Variants in DNAH7 observed in about 807,000 individuals in gnomAD.
The protein encoded by DNAH7 is dynein axonemal heavy chain 7, also known as axonemal beta dynein heavy chain 7.
In DNAH7, 397 loss-of-function variants were observed where a neutral mutation model predicts 444.6. The ratio of observed to expected loss-of-function variants is 0.89; its 90% CI spans 0.82 to 0.97. DNAH7 has a LOEUF of 0.97. DNAH7 is among the 50% of genes least tolerant of loss of function. The probability of loss-of-function intolerance (pLI) is 0.00; values close to 1 mark genes in which losing one functional copy is unlikely to be tolerated. For synonymous variants in DNAH7, 1,636 were observed against 1,624.4 expected (o/e 1.01, Z -0.17); for missense variants, 4,902 against 4,800.8 (o/e 1.02, Z -0.62).
chr2:196,028,936 T>C (rs1357607849), intron 5 of DNAH7, among the ~76,000 whole-genome samples: 1 of 152,200 alleles, frequency 6.6e-6, no homozygotes, highest in Non-Finnish European at 1.5e-5. Flanking sequence ...ATGCAGTGTT[T>C]TGTGAATTTT....
chr2:195,927,843 T>C (rs1169742972), intron 21 of DNAH7, among the ~76,000 whole-genome samples: 1 of 152,116 alleles, frequency 6.6e-6, no homozygotes, highest in Non-Finnish European at 1.5e-5. Context: ...CTCCTATTTG[T>C]AGAACTGTAT....
At chr2:195,892,719 G>A (rs946440769) in intron 30 of DNAH7, 3 of 151,724 alleles carry the variant, frequency 2.0e-5, no homozygotes, top group Non-Finnish European at 2.9e-5. Flanking sequence ...AATTATATGG[G>A]TTTTGCCAAG....
At chr2:195,981,317 C>G (rs565514394) in intron 15 of DNAH7, among the ~76,000 whole-genome samples, 1 of 151,866 alleles carries the variant, frequency 6.6e-6, no homozygotes, top group South Asian at 2.1e-4. Context: ...AATTATAACA[C>G]AATGATGAAA....
chr2:195,754,260 T>C, intron 63 of DNAH7, 77 bp downstream of exon 63: 1 of 1,413,690 alleles, frequency 7.1e-7, no homozygotes, highest in Non-Finnish European at 9.6e-7. Flanking sequence ...TTTTAACAGC[T>C]GAGGAAAGTA....
intron 36 of DNAH7, among the ~76,000 whole-genome samples, chr2:195,878,862 G>C (rs1325912179): frequency 2.6e-5 from 4 of 152,116 alleles, no homozygotes; most frequent in South Asian, 4.1e-4. Context: ...AAAGGTATTG[G>C]TGATAAATAG....
Position 195,771,655 on chromosome 2 carries a change from C to T in DNAH7, c.11433+5G>A, listed in dbSNP as rs1362870473. On this transcript the variant is annotated splice_donor_5th_base_variant and intron_variant, in intron 61 of 64. Transcript: ENST00000312428. ...GGGGGTTTTTTTTGGTGTTTTTCAC[C>T]TTACCTTGATTGCTTTTTGAATATT... 6.2e-7 allele frequency: 1 copy of T among 1,607,176 alleles called. No individual in the cohort carries two copies. Among genetic ancestry groups the T allele is most frequent in the African/African-American group, 1.3e-5 (1 of 74,708 alleles).
chr2:195,984,889 T>C (rs749885911), intron 14 of DNAH7, among the ~76,000 whole-genome samples, 179 bp from the exon 15 acceptor site: 58 of 152,240 alleles, frequency 3.8e-4, no homozygotes, highest in Non-Finnish European at 6.6e-4. Context: ...GCACATTTGA[T>C]GATCTAGTAC....
intron 37 of DNAH7, 74 bp downstream of exon 37, chr2:195,876,470 G>T: frequency 7.2e-7 from 1 of 1,393,200 alleles, no homozygotes; most frequent in Non-Finnish European, 9.9e-7. Context: ...TCTCTCCCCA[G>T]GATATTTGGT....
intron 31 of DNAH7, among the ~76,000 whole-genome samples, chr2:195,890,954 A>G (rs1433350709): frequency 6.6e-6 from 1 of 152,186 alleles, no homozygotes; most frequent in Non-Finnish European, 1.5e-5. Context: ...CCCTTTTCCT[A>G]TACTACCAGC....
chr2:195,808,961 G>T, intron 52 of DNAH7, 85 bp from the exon 53 acceptor site: 2 of 1,186,496 alleles, frequency 1.7e-6, no homozygotes, highest in Non-Finnish European at 2.3e-6. Flanking sequence ...AGAGTTGAGT[G>T]TTGACTTCCA....
chr2:195,766,497 C>T (rs1246706122), intron 61 of DNAH7, among the ~76,000 whole-genome samples: 3 of 151,760 alleles, frequency 2.0e-5, no homozygotes, highest in South Asian at 2.1e-4. Context: ...AACAATTGAA[C>T]TTGTGGAGTT....
At chr2:195,948,858 C>A (rs1690012898) in intron 19 of DNAH7, among the ~76,000 whole-genome samples, 1 of 152,154 alleles carries the variant, frequency 6.6e-6, no homozygotes, top group African/African-American at 2.4e-5. Context: ...ATGAAGATAG[C>A]ACTGAATCTA....
chr2:195,883,134 T>C (rs1378364944), intron 35 of DNAH7, among the ~76,000 whole-genome samples: 2 of 152,126 alleles, frequency 1.3e-5, no homozygotes, highest in East Asian at 1.9e-4. Context: ...TGATACTGTA[T>C]AGGAAAGGAA....
intron 17 of DNAH7, among the ~76,000 whole-genome samples, chr2:195,967,023 T>C (rs1428922999): frequency 6.6e-6 from 1 of 152,188 alleles, no homozygotes; most frequent in African/African-American, 2.4e-5. Flanking sequence ...TTTTGTGGGC[T>C]TCTCTTGCTT....
chr2:195,785,571 C>A (rs944012691), intron 58 of DNAH7, among the ~76,000 whole-genome samples: 3 of 144,576 alleles, frequency 2.1e-5, no homozygotes, highest in Non-Finnish European at 4.5e-5. Flanking sequence ...CCCCTCCATT[C>A]CTAGTTTACT....
At chr2:196,044,817 C>T in intron 5 of DNAH7, among the ~76,000 whole-genome samples, 1 of 152,066 alleles carries the variant, frequency 6.6e-6, no homozygotes, top group Non-Finnish European at 1.5e-5. Context: ...CCTATAATCC[C>T]AGCACTCTGA....
chr2:196,011,863 T>G (rs1694744748), intron 10 of DNAH7, among the ~76,000 whole-genome samples: 1 of 152,306 alleles, frequency 6.6e-6, no homozygotes, highest in East Asian at 1.9e-4. Context: ...ACCCAGAAGT[T>G]ATAGATCAAG....
intron 47 of DNAH7, among the ~76,000 whole-genome samples, chr2:195,834,917 C>T (rs1187468344): frequency 1.3e-5 from 2 of 152,206 alleles, no homozygotes; most frequent in Admixed American, 1.3e-4. Flanking sequence ...TATCCAGGGA[C>T]ACTTAAGTGT....
chr2:196,062,793 T>C (rs1052195516), intron 1 of DNAH7, among the ~76,000 whole-genome samples: 1 of 152,224 alleles, frequency 6.6e-6, no homozygotes, highest in Non-Finnish European at 1.5e-5. Flanking sequence ...AGAACTCCCA[T>C]CAACATTCAA....
Sources: allele counts gnomAD v4.1 joint callset (sites outside exome capture counted in the v4.1 genomes callset), GRCh38; gene constraint gnomAD v4.1.1; transcripts MANE v1.5; gene names NCBI Gene and HGNC (gene_info 2026-07-23, HGNC 2026-07-21).